Variants in SNTB1 observed in about 807,000 individuals in gnomAD.
The protein encoded by SNTB1 is beta-1-syntrophin.
A neutral mutation model predicts 48.9 loss-of-function variants in SNTB1; 36 were observed. That is an observed-to-expected ratio of 0.74 (90% CI 0.56 to 0.97). SNTB1 has a LOEUF of 0.97. Ranked by LOEUF, SNTB1 falls within the 50% of genes least tolerant of loss-of-function variation. SNTB1 has a pLI of 0.00. For synonymous variants in SNTB1, 299 were observed against 294.6 expected, an observed-to-expected ratio of 1.01 and a Z score of -0.15; for missense variants, 786 against 703.4, an observed-to-expected ratio of 1.12 and a Z score of -1.33.
chr8:120,739,827 T>A (rs1819014217), intron 1 of SNTB1, among the ~76,000 whole-genome samples: 1 of 152,196 alleles, frequency 6.6e-6, no homozygotes, highest in South Asian at 2.1e-4. Flanking sequence ...ATTTTTGCCT[T>A]CTGCACAGGT....
At chr8:120,769,837 T>C (rs1819588543) in intron 1 of SNTB1, 1 of 152,188 alleles carries the variant, frequency 6.6e-6, no homozygotes, top group Non-Finnish European at 1.5e-5. Flanking sequence ...CTTTGGATGG[T>C]TTCCTACACA....
At chr8:120,656,381 A>C (rs189242939) in intron 2 of SNTB1, among the ~76,000 whole-genome samples, 1 of 152,336 alleles carries the variant, frequency 6.6e-6, no homozygotes, top group East Asian at 1.9e-4. Context: ...TACATTTACA[A>C]AATATGTGGA....
At chr8:120,550,937 G>A (rs1815469825) in intron 4 of SNTB1, among the ~76,000 whole-genome samples, 1 of 152,158 alleles carries the variant, frequency 6.6e-6, no homozygotes, top group Non-Finnish European at 1.5e-5. Context: ...AGACTTGAAA[G>A]TGTTTAAGCT....
intron 4 of SNTB1, among the ~76,000 whole-genome samples, chr8:120,574,463 ATATT>A (rs1421427874): frequency 6.6e-6 from 1 of 152,218 alleles, no homozygotes; most frequent in Non-Finnish European, 1.5e-5. Context: ...TCATAGGTGT[ATATT>A]TATCTCCAAA....
intron 1 of SNTB1, among the ~76,000 whole-genome samples, chr8:120,784,568 C>T (rs761415726): frequency 5.3e-5 from 8 of 152,070 alleles, no homozygotes; most frequent in Admixed American, 3.3e-4. Context: ...GACACCTGAC[C>T]CGAGCCACAC....
chr8:120,613,095 A>G (rs971538312), intron 3 of SNTB1, among the ~76,000 whole-genome samples: 2 of 152,162 alleles, frequency 1.3e-5, no homozygotes, highest in Non-Finnish European at 2.9e-5. Context: ...CACATCTATA[A>G]TCCCAGCACT....
chr8:120,764,961 C>T (rs1360984002), intron 1 of SNTB1, among the ~76,000 whole-genome samples: 1 of 152,168 alleles, frequency 6.6e-6, no homozygotes, highest in Non-Finnish European at 1.5e-5. Flanking sequence ...GGCAGTGGCT[C>T]ATGCCTGTAA....
At chr8:120,572,083 A>G (rs1272261909) in intron 4 of SNTB1, among the ~76,000 whole-genome samples, 1 of 151,958 alleles carries the variant, frequency 6.6e-6, no homozygotes, top group Admixed American at 6.6e-5. Context: ...AGCTCTATTC[A>G]CTACTGGCAT....
At chr8:120,619,682 A>G (rs1342878718) in intron 3 of SNTB1, among the ~76,000 whole-genome samples, 2 of 152,108 alleles carry the variant, frequency 1.3e-5, no homozygotes, top group Admixed American at 1.3e-4. Flanking sequence ...TTTGGCCTTC[A>G]TGATTTAATA....
chr8:120,727,761 T>C (rs1818784718), intron 1 of SNTB1, among the ~76,000 whole-genome samples: 1 of 152,200 alleles, frequency 6.6e-6, no homozygotes, highest in Non-Finnish European at 1.5e-5. Context: ...CCTATGAGAA[T>C]TTTCAGTTCA....
intron 1 of SNTB1, among the ~76,000 whole-genome samples, chr8:120,710,079 C>A (rs545625225): frequency 5.9e-5 from 9 of 152,168 alleles, no homozygotes; most frequent in Admixed American, 3.9e-4. Context: ...CACTATCCCC[C>A]CTCCGTTTCC....
At chr8:120,741,842 G>A (rs1391624416) in intron 1 of SNTB1, among the ~76,000 whole-genome samples, 1 of 152,200 alleles carries the variant, frequency 6.6e-6, no homozygotes, top group East Asian at 1.9e-4. Context: ...AGAAGGAGAA[G>A]AAGGAGAAAT....
intron 3 of SNTB1, 136 bp from the exon 4 acceptor site, chr8:120,575,361 GAA>G: frequency 1.1e-6 from 1 of 945,614 alleles, no homozygotes; most frequent in Non-Finnish European, 1.6e-6. Flanking sequence ...AAAATGGAAA[GAA>G]CCTTGTCTTT....
At chr8:120,800,552 A>G (rs1452247353) in intron 1 of SNTB1, among the ~76,000 whole-genome samples, 5 of 152,058 alleles carry the variant, frequency 3.3e-5, no homozygotes, top group African/African-American at 1.2e-4. Context: ...GGACAGCCCA[A>G]GGAGGATGGT....
chr8:120,667,284 C>T (rs998246591), intron 2 of SNTB1, among the ~76,000 whole-genome samples: 3 of 152,146 alleles, frequency 2.0e-5, no homozygotes, highest in Non-Finnish European at 2.9e-5. Flanking sequence ...TGTGCCACCA[C>T]ACTACAGCTC....
intron 2 of SNTB1, among the ~76,000 whole-genome samples, chr8:120,633,156 A>T (rs1397956088): frequency 6.6e-6 from 1 of 152,226 alleles, no homozygotes; most frequent in Non-Finnish European, 1.5e-5. Context: ...TCAATTGAGA[A>T]TATTTTAGAA....
chr8:120,639,616 C>A (rs537191664), intron 2 of SNTB1, among the ~76,000 whole-genome samples: 1 of 152,182 alleles, frequency 6.6e-6, no homozygotes, highest in Admixed American at 6.5e-5. Flanking sequence ...GTTTTTCCAG[C>A]ACCATTTATT....
At chr8:120,665,007 C>T (rs1235731597) in intron 2 of SNTB1, among the ~76,000 whole-genome samples, 1 of 152,188 alleles carries the variant, frequency 6.6e-6, no homozygotes, top group African/African-American at 2.4e-5. Flanking sequence ...TTTTAATTTG[C>T]ATGTGTGCAT....
rs143234426 is a variant in SNTB1, at chr8:120,621,759, C to G, written c.996+10685G>C. 9.2e-5 allele frequency among the ~76,000 whole-genome samples: 14 copies of G among 152,210 alleles called. No homozygotes were observed. The East Asian group carries it at 2.7e-3, about 29-fold the overall frequency. On this transcript the variant is annotated intron_variant, in intron 3 of 6. Coordinates refer to ENST00000517992, the MANE Select transcript of SNTB1 (RefSeq NM_021021.4). ...GACCAGAAACCAACTATCATTCCAT[C>G]TTCTTTCTCCTTTCATGCACCCCCA...
Sources: allele counts gnomAD v4.1 joint callset (sites outside exome capture counted in the v4.1 genomes callset), GRCh38; gene constraint gnomAD v4.1.1; transcripts MANE v1.5; gene names NCBI Gene and HGNC (gene_info 2026-07-23, HGNC 2026-07-21).